Variants in GRIA4 observed in about 807,000 individuals in gnomAD.
GRIA4 encodes the protein glutamate ionotropic receptor AMPA type subunit 4, also known as glutamate receptor 4.
Under a neutral mutation model 104.0 loss-of-function variants are expected in GRIA4, and 34 were observed. The ratio of observed to expected loss-of-function variants is 0.33; its 90% CI spans 0.25 to 0.44. The LOEUF (loss-of-function observed/expected upper bound fraction) is 0.44. Ranked by LOEUF, GRIA4 falls within the 20% of genes least tolerant of loss-of-function variation. The probability of loss-of-function intolerance (pLI) is 1.00; values close to 1 mark genes in which losing one functional copy is unlikely to be tolerated. For synonymous variants in GRIA4, 386 were observed against 381.9 expected, an observed-to-expected ratio of 1.01 and a Z score of -0.13; for missense variants, 750 against 1,096.5, an observed-to-expected ratio of 0.68 and a Z score of 4.46.
At chr11:105,876,012 T>C (rs1945806807) in intron 5 of GRIA4, among the ~76,000 whole-genome samples, 1 of 152,186 alleles carries the variant, frequency 6.6e-6, no homozygotes. Context: ...TGTTAGGGTG[T>C]CGATTTTAGA....
At chr11:105,881,624 T>A (rs1283465405) in intron 5 of GRIA4, among the ~76,000 whole-genome samples, 2 of 151,988 alleles carry the variant, frequency 1.3e-5, no homozygotes, top group African/African-American at 2.4e-5. Flanking sequence ...TCTCTCTCCG[T>A]CCTCCAAAAA....
At chr11:105,936,972 T>C (rs971635328) in intron 14 of GRIA4, among the ~76,000 whole-genome samples, 3 of 152,166 alleles carry the variant, frequency 2.0e-5, no homozygotes, top group Non-Finnish European at 4.4e-5. Context: ...GTTTATTGTA[T>C]TTTGATATAG....
At chr11:105,924,000 A>G (rs1947639246) in intron 11 of GRIA4, among the ~76,000 whole-genome samples, 1 of 152,146 alleles carries the variant, frequency 6.6e-6, no homozygotes, top group African/African-American at 2.4e-5. Flanking sequence ...TCCAAATGAA[A>G]CAGAAAAGGC....
chr11:105,847,477 C>G (rs1366051984), intron 4 of GRIA4, among the ~76,000 whole-genome samples: 2 of 152,146 alleles, frequency 1.3e-5, no homozygotes, highest in Non-Finnish European at 2.9e-5. Context: ...TAAAAAACCT[C>G]TTTATCTCTA....
At chr11:105,687,338 C>A (rs112709919) in intron 3 of GRIA4, among the ~76,000 whole-genome samples, 1 of 152,030 alleles carries the variant, frequency 6.6e-6, no homozygotes, top group Non-Finnish European at 1.5e-5. Flanking sequence ...AACAAGTGTA[C>A]GTCAATGTTT....
chr11:105,682,490 A>C (rs534152566), intron 3 of GRIA4, among the ~76,000 whole-genome samples: 43 of 152,330 alleles, frequency 2.8e-4, no homozygotes, highest in Admixed American at 2.7e-3. Context: ...TGATCAAGTC[A>C]TGTTCCTTTG....
At chr11:105,869,505 A>G (rs1027028942) in intron 5 of GRIA4, among the ~76,000 whole-genome samples, 1 of 152,128 alleles carries the variant, frequency 6.6e-6, no homozygotes, top group Non-Finnish European at 1.5e-5. Flanking sequence ...ATTCCTCATT[A>G]GGTAGAAAAG....
chr11:105,894,138 A>G (rs1418308135), intron 6 of GRIA4, among the ~76,000 whole-genome samples: 1 of 152,188 alleles, frequency 6.6e-6, no homozygotes, highest in Non-Finnish European at 1.5e-5. Context: ...TAAGGTTAGA[A>G]AGTAACAGAT....
chr11:105,759,993 TATGGTCTCAATTCC>T (rs1262328037), intron 4 of GRIA4, among the ~76,000 whole-genome samples: 1 of 149,768 alleles, frequency 6.7e-6, no homozygotes, highest in African/African-American at 2.4e-5. Flanking sequence ...GAATGAATCA[TATGGTCTCAATTCC>T]ACTTATATAA....
chr11:105,915,541 T>G lies in GRIA4; in HGVS notation c.1270-3171T>G, dbSNP rs2845700. The stretch of plus-strand genomic sequence containing the variant: ...AATCAGAATTTCTAATAAAATTACT[T>G]TATAAAGATACTATTTAGGAAACAC... On this transcript the variant is annotated intron_variant, in intron 10 of 16. Transcript: ENST00000282499. Among the ~76,000 whole-genome samples, 429 of 152,324 alleles carry G rather than the reference T, an allele frequency of 2.8e-3. 2 individuals carry two copies. The highest frequency in any genetic ancestry group is 4.0e-3 in the Non-Finnish European group (274 of 68,020).
intron 4 of GRIA4, among the ~76,000 whole-genome samples, chr11:105,768,267 A>C (rs1399414514): frequency 6.6e-6 from 1 of 152,162 alleles, no homozygotes; most frequent in African/African-American, 2.4e-5. Flanking sequence ...GTTTTCTTCT[A>C]AATGCATTTA....
chr11:105,700,554 G>A (rs1366089195), intron 3 of GRIA4, among the ~76,000 whole-genome samples: 1 of 152,086 alleles, frequency 6.6e-6, no homozygotes, highest in African/African-American at 2.4e-5. Context: ...ATCCTGCATT[G>A]CATCTTTTTT....
At chr11:105,842,056 T>G (rs887721126) in intron 4 of GRIA4, among the ~76,000 whole-genome samples, 4 of 152,154 alleles carry the variant, frequency 2.6e-5, no homozygotes, top group African/African-American at 9.7e-5. Context: ...AGTTACCATC[T>G]GAGTGCAACA....
intron 4 of GRIA4, among the ~76,000 whole-genome samples, chr11:105,856,564 G>A (rs1348246618): frequency 6.6e-6 from 1 of 152,098 alleles, no homozygotes; most frequent in African/African-American, 2.4e-5. Context: ...CTTAGTCACA[G>A]AGCCATATAT....
At chr11:105,849,238 C>G (rs191071526) in intron 4 of GRIA4, among the ~76,000 whole-genome samples, 68 of 152,226 alleles carry the variant, frequency 4.5e-4, no homozygotes, top group Non-Finnish European at 7.4e-4. Context: ...CCTCTTCTCC[C>G]TTTGATATGT....
intron 3 of GRIA4, among the ~76,000 whole-genome samples, chr11:105,743,262 C>G (rs569519242): frequency 2.6e-5 from 4 of 152,266 alleles, no homozygotes; most frequent in African/African-American, 9.6e-5. Flanking sequence ...CATATGCTTA[C>G]ACTACTTTAA....
At position 105,703,831 on chromosome 11, in the gene GRIA4, A is replaced by T. The variant is rs182775541; in HGVS notation, c.248-49150A>T. 1.1e-4 allele frequency among the ~76,000 whole-genome samples: 17 copies of T among 152,148 alleles called. No homozygotes were observed. In the East Asian group the frequency reaches 3.3e-3, roughly 29 times the overall value. On this transcript the variant is annotated intron_variant, in intron 3 of 16. Coordinates refer to ENST00000282499, the MANE Select transcript of GRIA4 (RefSeq NM_000829.4). Reference sequence around the variant, plus strand: ...ATAATTAATAGGCAGGTTCTTATAAATTTTTATAGACTTAACCTATGTCAT... The same window carrying T: ...ATAATTAATAGGCAGGTTCTTATAATTTTTTATAGACTTAACCTATGTCAT...
chr11:105,859,772 A>G (rs1456089106), intron 4 of GRIA4, among the ~76,000 whole-genome samples: 1 of 152,176 alleles, frequency 6.6e-6, no homozygotes, highest in East Asian at 1.9e-4. Context: ...ATGATAAATA[A>G]AAGGAGAAAA....
intron 3 of GRIA4, among the ~76,000 whole-genome samples, chr11:105,742,620 A>C (rs201412275): frequency 8.4e-6 from 1 of 118,798 alleles, no homozygotes; most frequent in Non-Finnish European, 1.9e-5. Flanking sequence ...GTGTGTGTGT[A>C]TGTATATATA....
Sources: allele counts gnomAD v4.1 joint callset (sites outside exome capture counted in the v4.1 genomes callset), GRCh38; gene constraint gnomAD v4.1.1; transcripts MANE v1.5; gene names NCBI Gene and HGNC (gene_info 2026-07-23, HGNC 2026-07-21).